SYCP1: variants seen among roughly 807,000 people sequenced by gnomAD.
SYCP1 encodes the protein synaptonemal complex protein 1.
SYCP1 carries 64 observed loss-of-function variants against 153.1 expected under a neutral mutation model. The ratio of observed to expected loss-of-function variants is 0.42; its 90% CI spans 0.34 to 0.51. The LOEUF is 0.51. SYCP1 is among the 20% of genes least tolerant of loss of function. The pLI is 0.06. For missense variants in SYCP1, 997 were observed against 1,049.0 expected (o/e 0.95, Z 0.68); for synonymous variants, 384 against 341.8 (o/e 1.12, Z -1.36).
intron 23 of SYCP1, among the ~76,000 whole-genome samples, chr1:114,943,922 G>A (rs1670535094): frequency 6.6e-6 from 1 of 151,712 alleles, no homozygotes; most frequent in Admixed American, 6.6e-5. Flanking sequence ...TTTATACAAA[G>A]TATGTGAAAA....
chr1:114,940,322 C>T (rs556359223), intron 23 of SYCP1, among the ~76,000 whole-genome samples: 1 of 152,242 alleles, frequency 6.6e-6, no homozygotes, highest in South Asian at 2.1e-4. Context: ...GTCTCAAACT[C>T]TTGGCCTCAA....
At chr1:114,955,499 C>T (rs1671378749) in intron 27 of SYCP1, among the ~76,000 whole-genome samples, 1 of 152,148 alleles carries the variant, frequency 6.6e-6, no homozygotes, top group Non-Finnish European at 1.5e-5. Flanking sequence ...GTTTGGTAGA[C>T]TGGTAGCCTT....
At chr1:114,911,936 T>G (rs896570334) in intron 18 of SYCP1, among the ~76,000 whole-genome samples, 2 of 152,064 alleles carry the variant, frequency 1.3e-5, no homozygotes, top group Admixed American at 6.6e-5. Flanking sequence ...AATAAAAAAT[T>G]ATTTCTTACA....
At chr1:114,950,806 T>C (rs1282462897) in intron 27 of SYCP1, among the ~76,000 whole-genome samples, 5 of 150,940 alleles carry the variant, frequency 3.3e-5, no homozygotes, top group Non-Finnish European at 4.4e-5. Context: ...TATACATAAT[T>C]ATGTTAAATT....
intron 29 of SYCP1, among the ~76,000 whole-genome samples, chr1:114,984,131 C>G (rs1384683648): frequency 6.6e-6 from 1 of 151,970 alleles, no homozygotes; most frequent in African/African-American, 2.4e-5. Context: ...TAGTTTTGAA[C>G]TGGCCTCAAG....
chr1:114,925,242 T>G (rs1210610780), intron 21 of SYCP1, among the ~76,000 whole-genome samples: 1 of 152,158 alleles, frequency 6.6e-6, no homozygotes, highest in East Asian at 1.9e-4. Flanking sequence ...AATTCACTAC[T>G]TTAAAATTTG....
At chr1:114,897,130 A>G (rs1667127694) in intron 16 of SYCP1, among the ~76,000 whole-genome samples, 1 of 152,164 alleles carries the variant, frequency 6.6e-6, no homozygotes, top group Non-Finnish European at 1.5e-5. Context: ...TCTCCATTCT[A>G]AAGAAGTACA....
At chr1:114,860,653 TA>T in intron 7 of SYCP1, 82 bp from the exon 8 acceptor site, 2 of 860,308 alleles carry the variant, frequency 2.3e-6, no homozygotes, top group Admixed American at 3.0e-5. Context: ...TTAAAAATTG[TA>T]ACAATATATT....
rs914813676 is a variant in SYCP1, at chr1:114,990,984, C to G, written c.2704-3714C>G. 7.2e-5 allele frequency among the ~76,000 whole-genome samples: 11 copies of G among 152,016 alleles called. No homozygotes were observed. In the East Asian group the frequency reaches 1.4e-3, roughly 19 times the overall value. ...CATGCACCTTCCCCCATACCTTGCC[C>G]TACGCATCTCTTTATCTGTATCCCT... is the stretch of plus-strand genomic sequence containing the variant. On this transcript the variant is annotated intron_variant, in intron 30 of 31. Coordinates refer to ENST00000369522, the MANE Select transcript of SYCP1 (RefSeq NM_003176.4).
chr1:114,987,682 C>G (rs1384426988), intron 30 of SYCP1, among the ~76,000 whole-genome samples: 2 of 151,534 alleles, frequency 1.3e-5, no homozygotes, highest in Non-Finnish European at 2.9e-5. Context: ...TTTTTTAAAC[C>G]AAAAGACCAA....
chr1:114,995,083 T>A lies in SYCP1; in HGVS notation c.*64T>A. The A allele has an allele frequency of 6.9e-7, 1 of 1,445,872 alleles. No homozygotes were observed. Among genetic ancestry groups the A allele is most frequent in the South Asian group, 1.6e-5 (1 of 60,852 alleles). The allele number at this position is 1,445,872 out of a possible 1,614,324, so 89.6% of individuals were successfully genotyped here. On this transcript the variant is annotated 3_prime_UTR_variant, in exon 32 of 32. Transcript: ENST00000369522. ...GAAACTTATAGTTAATATTTTGTTC[T>A]TATTTGCCAGAGCCAAATTTTATCT...
intron 16 of SYCP1, among the ~76,000 whole-genome samples, chr1:114,900,082 G>T (rs970227512): frequency 6.6e-6 from 1 of 152,102 alleles, no homozygotes; most frequent in Admixed American, 6.5e-5. Flanking sequence ...ATACTTCGTT[G>T]TGCTTTTATT....
chr1:114,943,532 G>A (rs1312230066), intron 23 of SYCP1, among the ~76,000 whole-genome samples: 1 of 151,768 alleles, frequency 6.6e-6, no homozygotes, highest in African/African-American at 2.4e-5. Flanking sequence ...AAAAAATCTT[G>A]AAATATTGTT....
chr1:114,973,554 C>G (rs559792078), intron 27 of SYCP1, among the ~76,000 whole-genome samples: 1 of 152,166 alleles, frequency 6.6e-6, no homozygotes, highest in East Asian at 1.9e-4. Context: ...TGAGGAGCCA[C>G]AGTGAGTAGG....
At chr1:114,897,183 C>T (rs2101605815) in intron 16 of SYCP1, among the ~76,000 whole-genome samples, 1 of 152,226 alleles carries the variant, frequency 6.6e-6, no homozygotes, top group South Asian at 2.1e-4. Flanking sequence ...GGACAAAGAC[C>T]AATCTTAATT....
At chr1:114,862,417 C>T (rs1370933408) in intron 8 of SYCP1, among the ~76,000 whole-genome samples, 16 of 151,170 alleles carry the variant, frequency 1.1e-4, no homozygotes, top group South Asian at 2.1e-4. Flanking sequence ...GGCACAATCT[C>T]GGCTCACTGC....
At chr1:114,985,958 A>G (rs551373267) in intron 30 of SYCP1, among the ~76,000 whole-genome samples, 1 of 152,062 alleles carries the variant, frequency 6.6e-6, no homozygotes, top group African/African-American at 2.4e-5. Flanking sequence ...TAATATAAAT[A>G]AGAAAGCAAT....
intron 20 of SYCP1, 137 bp from the exon 21 acceptor site, chr1:114,923,312 T>G: frequency 1.2e-6 from 1 of 857,240 alleles, no homozygotes; most frequent in Non-Finnish European, 1.7e-6. Flanking sequence ...TGTACTTATA[T>G]TATGAAGTAT....
At chr1:114,865,486 C>T (rs1263603848) in intron 8 of SYCP1, among the ~76,000 whole-genome samples, 1 of 152,062 alleles carries the variant, frequency 6.6e-6, no homozygotes, top group African/African-American at 2.4e-5. Flanking sequence ...TGTGGGTGTT[C>T]CAATATCAGT....
Sources: gnomAD v4.1 joint callset for allele counts (sites outside exome capture counted in the v4.1 genomes callset) on GRCh38, gnomAD v4.1.1 for gene constraint, MANE v1.5 for transcripts, NCBI Gene and HGNC (gene_info 2026-07-23, HGNC 2026-07-21) for gene names.